USP34: variants seen among roughly 807,000 people sequenced by gnomAD.
USP34 encodes ubiquitin specific peptidase 34, also known as ubiquitin carboxyl-terminal hydrolase 34.
USP34 carries 70 observed loss-of-function variants against 460.3 expected under a neutral mutation model. That is an observed-to-expected ratio of 0.15 (90% confidence interval 0.13 to 0.19). USP34 has a LOEUF of 0.19. Ranked by LOEUF, USP34 falls within the 10% of genes least tolerant of loss-of-function variation. The pLI is 1.00. For synonymous variants in USP34, 1,647 were observed against 1,405.3 expected, an observed-to-expected ratio of 1.17 and a Z score of -3.85; for missense variants, 3,985 against 4,236.2, an observed-to-expected ratio of 0.94 and a Z score of 1.65.
At chr2:61,452,965 G>A (rs972406476) in intron 1 of USP34, among the ~76,000 whole-genome samples, 92 of 143,536 alleles carry the variant, frequency 6.4e-4, no homozygotes, top group African/African-American at 2.2e-3. Flanking sequence ...AGTAGTTTAA[G>A]ACATCCTATC....
rs763300142 is a variant in USP34, at chr2:61,241,628, T to C, written c.6709A>G (p.Lys2237Glu). 14 of 1,608,396 alleles carry C rather than the reference T, an allele frequency of 8.7e-6. No individual in the cohort carries two copies. Among genetic ancestry groups the C allele is most frequent in the South Asian group, 1.1e-5 (1 of 89,766 alleles). The change falls in exon 53 of 80, where the codon AAA (lysine) becomes GAA (glutamate). Residue 2237 changes from lysine (K) to glutamate (E), a missense_variant. Lys to Glu is a moderately conservative substitution (Grantham distance 56). Around this residue, in one of 14 missense-constraint regions of USP34, gnomAD observed 604 missense variants for 684.8 expected, o/e 0.88. Transcript: ENST00000398571. ...KTHSAYMLFY[K>E]RMEPEEENGR... ...TTTTCTTCCTCTGGTTCCATGCGTTTGTAAAACAGCATATATGCACTGTGT... is the reference window on the plus strand; with the variant it reads ...TTTTCTTCCTCTGGTTCCATGCGTTCGTAAAACAGCATATATGCACTGTGT...
intron 39 of USP34, among the ~76,000 whole-genome samples, chr2:61,279,463 T>C (rs1689469789): frequency 6.6e-6 from 1 of 152,166 alleles, no homozygotes; most frequent in Non-Finnish European, 1.5e-5. Flanking sequence ...AAGATTTGCT[T>C]TGAAATTTAC....
chr2:61,211,993 C>A (rs777102506), intron 68 of USP34, 64 bp from the exon 69 acceptor site: 49 of 1,490,026 alleles, frequency 3.3e-5, no homozygotes, highest in Non-Finnish European at 3.9e-5. Flanking sequence ...GTCAGTTTCT[C>A]ATTTCTACGT....
At chr2:61,339,829 G>T in intron 16 of USP34, 148 bp from the exon 17 acceptor site, 2 of 425,688 alleles carry the variant, frequency 4.7e-6, no homozygotes, top group Non-Finnish European at 7.9e-6. Flanking sequence ...ATTTTGTTTT[G>T]TTTTGTTTTT....
intron 2 of USP34, among the ~76,000 whole-genome samples, chr2:61,416,496 T>C (rs2421192): frequency 0.39 from 59,512 of 151,904 alleles, 11,727 homozygotes; most frequent in African/African-American, 0.43. Context: ...TAAATACCTG[T>C]TAAGGAACGT....
chr2:61,270,765 G>T (rs1159733765), intron 41 of USP34, among the ~76,000 whole-genome samples: 1 of 152,012 alleles, frequency 6.6e-6, no homozygotes, highest in African/African-American at 2.4e-5. Flanking sequence ...ACAGCAGCCT[G>T]AACAGACTAA....
rs749868537 is a variant in USP34, at chr2:61,470,705, GC to G, written c.-14del. On this transcript the variant is annotated 5_prime_UTR_variant, in exon 1 of 80. Transcript: ENST00000398571. Reference sequence around the variant, plus strand: ...AGTTCTCGCACATCGTTCGGCCGCCGCCCCCCCCCTCCCCCGCTTCGGATCA... The same window carrying G: ...AGTTCTCGCACATCGTTCGGCCGCCGCCCCCCCCTCCCCCGCTTCGGATCA... The G allele has an allele frequency of 1.4e-3, 2,175 of 1,525,106 alleles. 3 individuals are homozygous for G. The highest frequency in any genetic ancestry group is 2.8e-3 in the South Asian group (239 of 86,040). The allele number at this position is 1,525,106 out of a possible 1,614,324, so 94.5% of individuals were successfully genotyped here.
chr2:61,280,419 T>G (rs1363711383), intron 38 of USP34, 71 bp from the exon 39 acceptor site: 11 of 720,046 alleles, frequency 1.5e-5, no homozygotes, highest in Non-Finnish European at 1.4e-5. Context: ...TTTAAGAAAC[T>G]AGAGGCTTTA....
intron 5 of USP34, among the ~76,000 whole-genome samples, chr2:61,388,108 G>A (rs557239032): frequency 7.2e-5 from 11 of 152,108 alleles, no homozygotes; most frequent in East Asian, 3.9e-4. Flanking sequence ...TCTGCTTAGC[G>A]GGGCATGGTG....
At chr2:61,368,732 T>C (rs895042613) in intron 10 of USP34, among the ~76,000 whole-genome samples, 2 of 152,166 alleles carry the variant, frequency 1.3e-5, no homozygotes, top group Non-Finnish European at 2.9e-5. Flanking sequence ...GATTAAGATA[T>C]ATAATTGCAA....
chr2:61,349,354 G>C, intron 12 of USP34, 69 bp from the exon 13 acceptor site: 2 of 1,502,000 alleles, frequency 1.3e-6, no homozygotes, highest in Non-Finnish European at 1.8e-6. Context: ...CAGCGTATCA[G>C]TTGTTCATAT....
chr2:61,390,195 T>G (rs534343221), intron 5 of USP34, among the ~76,000 whole-genome samples: 82 of 152,352 alleles, frequency 5.4e-4, no homozygotes, highest in African/African-American at 1.9e-3. Flanking sequence ...TGCACTTCTT[T>G]CTACTCCATA....
At chr2:61,374,488 G>A (rs1692730939) in intron 8 of USP34, among the ~76,000 whole-genome samples, 1 of 152,162 alleles carries the variant, frequency 6.6e-6, no homozygotes, top group South Asian at 2.1e-4. Flanking sequence ...TGAAAGATTA[G>A]AATTTTCCAA....
At chr2:61,339,117 G>T (rs546910339) in intron 18 of USP34, among the ~76,000 whole-genome samples, 1 of 151,966 alleles carries the variant, frequency 6.6e-6, no homozygotes, top group African/African-American at 2.4e-5. Context: ...GTTTCTGTTG[G>T]GTGGATCTAA....
At chr2:61,267,955 G>A (rs1572886598) in intron 41 of USP34, among the ~76,000 whole-genome samples, 1 of 151,132 alleles carries the variant, frequency 6.6e-6, no homozygotes, top group African/African-American at 2.4e-5. Flanking sequence ...GGGGTTTCAC[G>A]ATGTTGGCCA....
At chr2:61,361,853 AAAC>A (rs1157140864) in intron 10 of USP34, among the ~76,000 whole-genome samples, 2 of 152,198 alleles carry the variant, frequency 1.3e-5, no homozygotes, top group African/African-American at 4.8e-5. Context: ...ACAGCAAAGG[AAAC>A]AACAGAGTGA....
At position 61,259,723 on chromosome 2, in the gene USP34, A is replaced by T; in HGVS notation, c.5832T>A (p.Phe1944Leu). The T allele has an allele frequency of 6.2e-7, 1 of 1,613,280 alleles. No homozygotes were observed. The highest frequency in any genetic ancestry group is 8.5e-7 in the Non-Finnish European group (1 of 1,179,900). The change falls in exon 44 of 80, where the codon TTT becomes TTA. Residue 1944 changes from phenylalanine (F) to leucine (L), a missense_variant. By Grantham distance (22) the Phe-to-Leu change is conservative. Around this residue, in one of 14 missense-constraint regions of USP34, gnomAD observed 145 missense variants for 291.6 expected, o/e 0.50. Transcript: ENST00000398571. The part of the protein sequence containing the change: ...KTTLLELQKM[F>L]TYLMESECKA... ...TTCTTAAACATACCATTAAATATGT[A>T]AACATTTTCTGAAGCTCCAGAAGAG...
intron 1 of USP34, among the ~76,000 whole-genome samples, chr2:61,442,612 T>C (rs1418329910): frequency 6.6e-6 from 1 of 152,040 alleles, no homozygotes; most frequent in Non-Finnish European, 1.5e-5. Flanking sequence ...AAATAACAAA[T>C]GCTGGCAAGG....
chr2:61,251,809 G>C (rs745575887), intron 48 of USP34, among the ~76,000 whole-genome samples: 16 of 152,116 alleles, frequency 1.1e-4, no homozygotes, highest in Non-Finnish European at 1.8e-4. Context: ...AAAGCTTCTT[G>C]ATGAAACCAG....
Sources: gnomAD v4.1 joint callset for allele counts (sites outside exome capture counted in the v4.1 genomes callset) on GRCh38, gnomAD v4.1.1 for gene constraint, gnomAD v4.1.1 regional missense constraint, MANE v1.5 for transcripts, NCBI Gene and HGNC (gene_info 2026-07-23, HGNC 2026-07-21) for gene names.